The following NFIL3 variants were observed in gnomAD, a reference collection of about 807,000 sequenced individuals.
NFIL3 encodes nuclear factor, interleukin 3 regulated, also known as nuclear factor interleukin-3-regulated protein.
In NFIL3, 5 loss-of-function variants were observed where a neutral mutation model predicts 10.0. The ratio of observed to expected loss-of-function variants is 0.50; its 90% CI spans 0.26 to 1.06. The LOEUF (loss-of-function observed/expected upper bound fraction) is 1.06, where lower values mean the gene tolerates loss of function less well. Among genes scored for constraint, NFIL3 ranks in the 50% least tolerant of loss-of-function variants. The pLI, the probability that NFIL3 is intolerant of heterozygous loss-of-function variation, is 0.13. For synonymous variants in NFIL3, 202 were observed against 206.5 expected, an observed-to-expected ratio of 0.98 and a Z score of 0.19; for missense variants, 436 against 547.6, an observed-to-expected ratio of 0.80 and a Z score of 2.03.
the NFIL3 span, among the ~76,000 whole-genome samples, chr9:91,474,609 T>A: frequency 2.0e-5 from 3 of 152,194 alleles, no homozygotes; most frequent in Non-Finnish European, 4.4e-5. Context: ...AGTGATGGCT[T>A]CTTAGTGCCT....
the NFIL3 span, among the ~76,000 whole-genome samples, chr9:91,473,133 C>T: frequency 6.6e-6 from 1 of 152,182 alleles, no homozygotes; most frequent in East Asian, 1.9e-4. Flanking sequence ...CCCCTACTGG[C>T]AGGCGTCTCC....
At chr9:91,477,308 A>G in the NFIL3 span, among the ~76,000 whole-genome samples, 40 of 152,286 alleles carry the variant, frequency 2.6e-4, no homozygotes, top group African/African-American at 8.9e-4. Flanking sequence ...TCCCTCACAT[A>G]GAACCCCCTC....
At chr9:91,434,839 C>T in the NFIL3 span, among the ~76,000 whole-genome samples, 9 of 152,090 alleles carry the variant, frequency 5.9e-5, no homozygotes, top group Admixed American at 2.0e-4. Flanking sequence ...ACTCTTAAAG[C>T]TATCGCAATT....
chr9:91,467,346 C>G, the NFIL3 span, among the ~76,000 whole-genome samples: 1 of 151,846 alleles, frequency 6.6e-6, no homozygotes, highest in African/African-American at 2.4e-5. Flanking sequence ...CTCTGGAATA[C>G]TCTAATAGAG....
the NFIL3 span, among the ~76,000 whole-genome samples, chr9:91,429,342 A>G: frequency 6.6e-6 from 1 of 152,310 alleles, no homozygotes; most frequent in East Asian, 1.9e-4. Context: ...ATGGTTGGCC[A>G]CGTTCCTTCT....
the NFIL3 span, among the ~76,000 whole-genome samples, chr9:91,446,649 A>G: frequency 6.6e-6 from 1 of 152,136 alleles, no homozygotes; most frequent in Non-Finnish European, 1.5e-5. Flanking sequence ...AATCTCTAAT[A>G]TACTTTCTGT....
chr9:91,413,105 C>CA lies in NFIL3; in HGVS notation c.-172-2200dup, dbSNP rs1243760419. Among the ~76,000 whole-genome samples, 13 of 152,190 alleles carry CA rather than the reference C, an allele frequency of 8.5e-5. No individual in the cohort carries two copies. The East Asian group carries it at 1.7e-3, about 20-fold the overall frequency. On this transcript the variant is annotated intron_variant, in intron 1 of 1. Transcript: ENST00000297689. ...GTTAAGGGAACAGCTAGTCGTAACTCAGAGAAATTTGTGATTATTAATATC... is the reference window on the plus strand; with the variant it reads ...GTTAAGGGAACAGCTAGTCGTAACTCAAGAGAAATTTGTGATTATTAATATC...
chr9:91,472,524 G>A, the NFIL3 span, among the ~76,000 whole-genome samples: 7 of 152,058 alleles, frequency 4.6e-5, no homozygotes, highest in East Asian at 3.9e-4. Context: ...CATGTGTCAC[G>A]TAGTTCTCAT....
chr9:91,448,072 A>C, the NFIL3 span, among the ~76,000 whole-genome samples: 1 of 152,200 alleles, frequency 6.6e-6, no homozygotes, highest in African/African-American at 2.4e-5. Context: ...CCTATTAAAG[A>C]GAATATTCTT....
At chr9:91,418,341 C>T (rs1260360854) in intron 1 of NFIL3, among the ~76,000 whole-genome samples, 2 of 152,172 alleles carry the variant, frequency 1.3e-5, no homozygotes, top group Non-Finnish European at 2.9e-5. Flanking sequence ...AATCTGAAAT[C>T]TTAAAAGGAC....
the NFIL3 span, among the ~76,000 whole-genome samples, chr9:91,476,682 CAA>C: frequency 3.3e-5 from 5 of 151,686 alleles, no homozygotes; most frequent in Non-Finnish European, 5.9e-5. Context: ...AGAAGAAAAA[CAA>C]AAAATCTCTG....
chr9:91,415,561 C>T (rs1833637711), intron 1 of NFIL3, among the ~76,000 whole-genome samples: 1 of 151,940 alleles, frequency 6.6e-6, no homozygotes, highest in Non-Finnish European at 1.5e-5. Context: ...CTGAGTAATA[C>T]ATACCCTTTT....
At chr9:91,431,649 C>T in the NFIL3 span, among the ~76,000 whole-genome samples, 1 of 152,098 alleles carries the variant, frequency 6.6e-6, no homozygotes, top group African/African-American at 2.4e-5. Context: ...ACAGTTTAAC[C>T]ACAGTGGAAG....
Position 91,409,981 on chromosome 9 carries a change from A to G in NFIL3, c.754T>C (p.Phe252Leu). Residue 252 changes from phenylalanine to leucine, a missense_variant, in exon 2 of 2, where the codon TTC (phenylalanine) becomes CTC (leucine). Around this residue, in one of 3 missense-constraint regions of NFIL3, gnomAD observed 338 missense variants for 399.9 expected, o/e 0.85. Transcript: ENST00000297689. Reference sequence around the variant, plus strand: ...GGGGGAGAGTGTGAGTACCCAGAGAAAGAATTCCCCATATAGTTTTGATAG... The same window carrying G: ...GGGGGAGAGTGTGAGTACCCAGAGAGAGAATTCCCCATATAGTTTTGATAG... ...SIYQNYMGNSFSGYSHSPPLL... is the reference protein window; with the variant it reads ...SIYQNYMGNSLSGYSHSPPLL... 1 of 1,613,334 alleles carries G rather than the reference A, an allele frequency of 6.2e-7. No individual in the cohort carries two copies. Among genetic ancestry groups the G allele is most frequent in the Non-Finnish European group, 8.5e-7 (1 of 1,179,988 alleles).
chr9:91,431,659 G>A, the NFIL3 span, among the ~76,000 whole-genome samples: 87,101 of 151,930 alleles, frequency 0.57, 28,994 homozygotes, highest in Non-Finnish European at 0.73. Context: ...CACAGTGGAA[G>A]CCGACGTGAC....
At chr9:91,449,378 C>T in the NFIL3 span, among the ~76,000 whole-genome samples, 1 of 152,156 alleles carries the variant, frequency 6.6e-6, no homozygotes, top group East Asian at 1.9e-4. Flanking sequence ...AATTTCCCTC[C>T]TCTACCTAGT....
chr9:91,480,391 A>T, the NFIL3 span, among the ~76,000 whole-genome samples: 1 of 152,286 alleles, frequency 6.6e-6, no homozygotes, highest in Non-Finnish European at 1.5e-5. Context: ...AAGAGAGCAT[A>T]AACATGAAAC....
chr9:91,463,600 T>G, the NFIL3 span, among the ~76,000 whole-genome samples: 3 of 152,066 alleles, frequency 2.0e-5, no homozygotes, highest in African/African-American at 7.2e-5. Context: ...TCTTGGTGAA[T>G]GTTCCATGTG....
chr9:91,469,062 C>G, the NFIL3 span, among the ~76,000 whole-genome samples: 1 of 152,128 alleles, frequency 6.6e-6, no homozygotes, highest in Non-Finnish European at 1.5e-5. Flanking sequence ...TTTTCCAAGT[C>G]TGTGAAGAAA....
Sources: gnomAD v4.1 joint callset for allele counts (sites outside exome capture counted in the v4.1 genomes callset) on GRCh38, gnomAD v4.1.1 for gene constraint, gnomAD v4.1.1 regional missense constraint, MANE v1.5 for transcripts, NCBI Gene and HGNC (gene_info 2026-07-23, HGNC 2026-07-21) for gene names.